The following SPATS2 variants were observed in gnomAD, a reference collection of about 807,000 sequenced individuals.
SPATS2 encodes spermatogenesis-associated serine-rich protein 2.
Under a neutral mutation model 63.7 loss-of-function variants are expected in SPATS2, and 38 were observed. That is an observed-to-expected ratio of 0.60 (90% CI 0.46 to 0.78). The LOEUF (loss-of-function observed/expected upper bound fraction) is 0.78. Among genes scored for constraint, SPATS2 ranks in the 30% least tolerant of loss-of-function variants. The pLI is 0.00. For synonymous variants in SPATS2, 207 were observed against 232.9 expected (o/e 0.89, Z 1.01); for missense variants, 588 against 666.2 (o/e 0.88, Z 1.29).
At chr12:49,480,340 T>G (rs1056809978) in intron 3 of SPATS2, among the ~76,000 whole-genome samples, 2 of 152,228 alleles carry the variant, frequency 1.3e-5, no homozygotes, top group Admixed American at 1.3e-4. Flanking sequence ...CATACCTCTT[T>G]AGATAGCACC....
intron 2 of SPATS2, among the ~76,000 whole-genome samples, chr12:49,413,671 C>T (rs1404801065): frequency 6.6e-6 from 1 of 152,230 alleles, no homozygotes; most frequent in East Asian, 1.9e-4. Flanking sequence ...GTTTGAGGTC[C>T]AGGATCTTGC....
intron 2 of SPATS2, among the ~76,000 whole-genome samples, chr12:49,393,446 A>G (rs1196837972): frequency 6.6e-6 from 1 of 152,164 alleles, no homozygotes; most frequent in African/African-American, 2.4e-5. Context: ...GAATTTTTCT[A>G]TAAAGAAGAC....
rs776765471 is a variant in SPATS2 at position 49,458,314 on chromosome 12, A to G, written c.-243-2456A>G. Among the ~76,000 whole-genome samples the G allele has an allele frequency of 4.4e-4, 67 of 151,940 alleles. 1 individual carries two copies. Among genetic ancestry groups the G allele is most frequent in the Admixed American group, 1.2e-3 (19 of 15,244 alleles). ...GAAACCCTGTCTCTACTAAAAATAC[A>G]AAAATTAGTCGGGTGTGGTGGCAGG... On this transcript the variant is annotated intron_variant, in intron 2 of 13. Coordinates refer to ENST00000552918, the MANE Select transcript of SPATS2 (RefSeq NM_023071.4).
chr12:49,481,683 G>A (rs1156767019), intron 3 of SPATS2, among the ~76,000 whole-genome samples: 14 of 151,590 alleles, frequency 9.2e-5, no homozygotes, highest in Admixed American at 8.6e-4. Context: ...TGCTGATCTC[G>A]AACTCCTTAC....
chr12:49,519,716 CCTCAAGCAGAGGCTGGAGGCTTCTACA>C (rs1231842439), intron 11 of SPATS2, among the ~76,000 whole-genome samples: 3 of 152,162 alleles, frequency 2.0e-5, no homozygotes, highest in African/African-American at 7.2e-5. Flanking sequence ...GGTCCTCTGC[CCTCAAGCAGAGGCTGGAGGCTTCTACA>C]CTCCACAGAC....
chr12:49,437,546 ACT>A (rs1945335522), intron 2 of SPATS2, among the ~76,000 whole-genome samples: 1 of 152,154 alleles, frequency 6.6e-6, no homozygotes, highest in Non-Finnish European at 1.5e-5. Flanking sequence ...ACCATTGAGC[ACT>A]GAGTGAACGC....
intron 8 of SPATS2, among the ~76,000 whole-genome samples, chr12:49,499,842 A>G (rs1411656692): frequency 6.6e-6 from 1 of 152,106 alleles, no homozygotes; most frequent in Admixed American, 6.5e-5. Context: ...GTATGTTTTT[A>G]GTTGTTTAAG....
At chr12:49,391,341 G>A (rs183867899) in intron 2 of SPATS2, among the ~76,000 whole-genome samples, 36 of 152,198 alleles carry the variant, frequency 2.4e-4, no homozygotes, top group African/African-American at 8.4e-4. Context: ...GTGAAACCCC[G>A]TCCCTACTAA....
chr12:49,416,724 A>G (rs549018140), intron 2 of SPATS2, among the ~76,000 whole-genome samples: 1 of 152,074 alleles, frequency 6.6e-6, no homozygotes, highest in South Asian at 2.1e-4. Flanking sequence ...ACCTCAAATG[A>G]TTTGCCCACC....
At chr12:49,508,745 CTTT>C (rs543241049) in intron 9 of SPATS2, among the ~76,000 whole-genome samples, 1 of 142,196 alleles carries the variant, frequency 7.0e-6, no homozygotes, top group Non-Finnish European at 1.5e-5. Context: ...CTGGCTCAGC[CTTT>C]TTTTTTTTTT....
At chr12:49,508,557 T>C (rs2138002539) in intron 9 of SPATS2, among the ~76,000 whole-genome samples, 1 of 152,300 alleles carries the variant, frequency 6.6e-6, no homozygotes, top group African/African-American at 2.4e-5. Context: ...AGCCACTCAC[T>C]AAGGGGGCTT....
At chr12:49,433,976 C>T (rs143695172) in intron 2 of SPATS2, among the ~76,000 whole-genome samples, 25 of 152,204 alleles carry the variant, frequency 1.6e-4, no homozygotes, top group Admixed American at 4.6e-4. Context: ...GGTAACGGTC[C>T]AGCTTCATTC....
chr12:49,401,384 T>A (rs907719768), intron 2 of SPATS2, among the ~76,000 whole-genome samples: 5 of 152,176 alleles, frequency 3.3e-5, no homozygotes, highest in African/African-American at 9.7e-5. Flanking sequence ...GCATTTTTTT[T>A]AAACATGTTA....
chr12:49,431,036 T>C (rs1396682364), intron 2 of SPATS2, among the ~76,000 whole-genome samples: 1 of 152,158 alleles, frequency 6.6e-6, no homozygotes, highest in Non-Finnish European at 1.5e-5. Flanking sequence ...ACAGATAAGA[T>C]GTTTATATTA....
intron 2 of SPATS2, among the ~76,000 whole-genome samples, chr12:49,404,030 C>T (rs559763437): frequency 7.9e-5 from 12 of 152,316 alleles, no homozygotes; most frequent in Non-Finnish European, 1.6e-4. Context: ...TGGATATTTA[C>T]TAGCACCTGC....
chr12:49,479,560 G>A (rs374952161), intron 3 of SPATS2, among the ~76,000 whole-genome samples: 1 of 152,274 alleles, frequency 6.6e-6, no homozygotes, highest in Admixed American at 6.5e-5. Context: ...TTCATGGAGC[G>A]GGAGGCCTGA....
intron 2 of SPATS2, among the ~76,000 whole-genome samples, chr12:49,395,554 AG>A (rs1189807668): frequency 6.6e-6 from 1 of 151,032 alleles, no homozygotes; most frequent in Non-Finnish European, 1.5e-5. Context: ...CCTCCCGAGT[AG>A]CTGGGATTAC....
chr12:49,437,642 C>T (rs1395695114), intron 2 of SPATS2, among the ~76,000 whole-genome samples: 1 of 152,218 alleles, frequency 6.6e-6, no homozygotes, highest in Admixed American at 6.5e-5. Context: ...GCCCGGCCAA[C>T]ACAGCGAAAC....
chr12:49,411,785 A>G (rs1487890351), intron 2 of SPATS2, among the ~76,000 whole-genome samples: 8 of 152,158 alleles, frequency 5.3e-5, no homozygotes, highest in Admixed American at 5.2e-4. Context: ...GAGGTAAGTT[A>G]CCTTGACCTC....
Sources: gnomAD v4.1 joint callset for allele counts (sites outside exome capture counted in the v4.1 genomes callset) on GRCh38, gnomAD v4.1.1 for gene constraint, MANE v1.5 for transcripts, NCBI Gene and HGNC (gene_info 2026-07-23, HGNC 2026-07-21) for gene names.